The following CA10 variants were observed in gnomAD, a reference collection of about 807,000 sequenced individuals.
CA10 encodes the protein carbonic anhydrase-related protein 10.
A neutral mutation model predicts 44.2 loss-of-function variants in CA10; 14 were observed. That is an observed-to-expected ratio of 0.32 (90% CI 0.21 to 0.50). The LOEUF (loss-of-function observed/expected upper bound fraction) is 0.50, where lower values mean the gene tolerates loss of function less well. CA10 is among the 20% of genes least tolerant of loss of function. CA10 has a pLI of 0.99. For synonymous variants in CA10, 159 were observed against 141.6 expected, an observed-to-expected ratio of 1.12 and a Z score of -0.87; for missense variants, 350 against 409.7, an observed-to-expected ratio of 0.85 and a Z score of 1.26.
chr17:51,709,666 C>G (rs1174759392), intron 4 of CA10, among the ~76,000 whole-genome samples: 2 of 152,164 alleles, frequency 1.3e-5, no homozygotes, highest in Non-Finnish European at 2.9e-5. Flanking sequence ...ATAGCATATG[C>G]AAATGTCCTC....
intron 3 of CA10, among the ~76,000 whole-genome samples, chr17:51,864,383 G>A (rs1261253852): frequency 6.6e-6 from 1 of 152,094 alleles, no homozygotes; most frequent in Non-Finnish European, 1.5e-5. Flanking sequence ...TCAAGACAAG[G>A]CCATTGTTTT....
At chr17:51,941,142 G>A (rs1983062426) in intron 2 of CA10, among the ~76,000 whole-genome samples, 1 of 152,122 alleles carries the variant, frequency 6.6e-6, no homozygotes. Flanking sequence ...GCACAGCTGA[G>A]CTGGTGATTT....
chr17:51,810,822 C>T (rs909162590), intron 3 of CA10, among the ~76,000 whole-genome samples: 9 of 152,214 alleles, frequency 5.9e-5, no homozygotes, highest in African/African-American at 2.2e-4. Flanking sequence ...GGACTTGATG[C>T]TTGCTTGATC....
chr17:51,677,235 T>C (rs1305414632), intron 4 of CA10, among the ~76,000 whole-genome samples: 1 of 152,154 alleles, frequency 6.6e-6, no homozygotes, highest in Non-Finnish European at 1.5e-5. Flanking sequence ...ATACTCAGCG[T>C]TGGAGGTGAG....
chr17:51,941,341 T>C (rs546382467), intron 2 of CA10, among the ~76,000 whole-genome samples: 3 of 152,298 alleles, frequency 2.0e-5, no homozygotes, highest in South Asian at 4.1e-4. Flanking sequence ...GACAGTCTGG[T>C]TGACGTAGGC....
intron 1 of CA10, among the ~76,000 whole-genome samples, chr17:52,120,167 T>G (rs1251549970): frequency 6.6e-6 from 1 of 152,242 alleles, no homozygotes; most frequent in Admixed American, 6.5e-5. Flanking sequence ...TTGGGATTTT[T>G]GAGCTGCCCT....
At chr17:52,028,111 A>G (rs2144167135) in intron 2 of CA10, among the ~76,000 whole-genome samples, 1 of 152,312 alleles carries the variant, frequency 6.6e-6, no homozygotes, top group East Asian at 1.9e-4. Flanking sequence ...AAATGAGATA[A>G]TAAAGGTGAG....
chr17:51,808,086 T>C (rs1460126595), intron 3 of CA10, among the ~76,000 whole-genome samples: 3 of 152,184 alleles, frequency 2.0e-5, no homozygotes, highest in Non-Finnish European at 4.4e-5. Flanking sequence ...TAAGACCAGG[T>C]TTAAGAATAT....
At chr17:51,985,780 T>C (rs1984811700) in intron 2 of CA10, among the ~76,000 whole-genome samples, 1 of 151,856 alleles carries the variant, frequency 6.6e-6, no homozygotes, top group African/African-American at 2.4e-5. Context: ...CAAAAATACT[T>C]AGGAATATAC....
At chr17:51,908,777 C>A (rs1981669338) in intron 3 of CA10, among the ~76,000 whole-genome samples, 1 of 152,180 alleles carries the variant, frequency 6.6e-6, no homozygotes, top group Admixed American at 6.6e-5. Context: ...GTCGCATTCA[C>A]TGGATTAAAA....
intron 3 of CA10, among the ~76,000 whole-genome samples, chr17:51,816,963 C>T (rs2143752603): frequency 6.6e-6 from 1 of 152,262 alleles, no homozygotes; most frequent in East Asian, 1.9e-4. Context: ...ATAGTATAAG[C>T]AAGGAATAAG....
chr17:51,798,062 T>A (rs1018942516), intron 3 of CA10, among the ~76,000 whole-genome samples: 15 of 152,132 alleles, frequency 9.9e-5, no homozygotes, highest in African/African-American at 3.6e-4. Context: ...ACTACGAGAC[T>A]AGAAATAAAT....
chr17:51,801,296 T>C (rs958999420), intron 3 of CA10, among the ~76,000 whole-genome samples: 3 of 152,076 alleles, frequency 2.0e-5, no homozygotes, highest in African/African-American at 7.2e-5. Flanking sequence ...GCATGAAAGG[T>C]CCACCCATCC....
chr17:52,002,227 GA>G (rs199497929), intron 2 of CA10, among the ~76,000 whole-genome samples: 20 of 148,682 alleles, frequency 1.3e-4, no homozygotes, highest in African/African-American at 2.0e-4. Flanking sequence ...AGTTATAAAT[GA>G]AAAAAAAAAT....
In CA10 at chr17:51,849,218, T is replaced by C. The variant is rs1249323186; in HGVS notation, c.279+81772A>G. Among the ~76,000 whole-genome samples the C allele has an allele frequency of 3.8e-4, 18 of 46,848 alleles. 1 individual carries two copies. The highest frequency in any genetic ancestry group is 1.2e-3 in the East Asian group (3 of 2,566). The allele number at this position is 46,848 out of a possible 152,430, so 30.7% of individuals were successfully genotyped here. A position where few individuals can be genotyped will look rare whatever the true frequency, so the allele number is the denominator to read the frequency against. ...ATATACATATATGTATATATATATA[T>C]ACATATATGTGTGTGTATATATATA... On this transcript the variant is annotated intron_variant, in intron 3 of 8. Transcript: ENST00000451037.
At chr17:51,816,225 T>C (rs1319169547) in intron 3 of CA10, among the ~76,000 whole-genome samples, 1 of 152,220 alleles carries the variant, frequency 6.6e-6, no homozygotes, top group Non-Finnish European at 1.5e-5. Context: ...ATTCCATCCA[T>C]GTTGGTGCAA....
rs576077025 is a variant in CA10 at position 52,022,011 on chromosome 17, A to G, written c.136+50308T>C. Among the ~76,000 whole-genome samples, 18 of 152,196 alleles carry G rather than the reference A, an allele frequency of 1.2e-4. 1 individual carries two copies. In the South Asian group the frequency reaches 3.1e-3, roughly 26 times the overall value. On this transcript the variant is annotated intron_variant, in intron 2 of 8. Transcript: ENST00000451037. ...GCTGGTACCAATCCTTACTGAAACTATTCTAGAAAATAAAGGAGGAGGACT... is the reference window on the plus strand; with the variant it reads ...GCTGGTACCAATCCTTACTGAAACTGTTCTAGAAAATAAAGGAGGAGGACT...
intron 2 of CA10, among the ~76,000 whole-genome samples, chr17:51,967,141 T>C (rs921490070): frequency 2.6e-5 from 4 of 151,670 alleles, no homozygotes; most frequent in African/African-American, 9.7e-5. Context: ...ACCACAGAGA[T>C]ACCATCTGAT....
intron 2 of CA10, among the ~76,000 whole-genome samples, chr17:51,933,103 G>T (rs1982730119): frequency 6.6e-6 from 1 of 152,180 alleles, no homozygotes; most frequent in Admixed American, 6.5e-5. Flanking sequence ...GGTAAGTCAT[G>T]TGTCCCTTGG....
Sources: gnomAD v4.1 joint callset for allele counts (sites outside exome capture counted in the v4.1 genomes callset) on GRCh38, gnomAD v4.1.1 for gene constraint, MANE v1.5 for transcripts, NCBI Gene and HGNC (gene_info 2026-07-23, HGNC 2026-07-21) for gene names.